The following KCNH1 variants were observed in gnomAD, a reference collection of about 807,000 sequenced individuals.
KCNH1 encodes the protein voltage-gated delayed rectifier potassium channel KCNH1.
Under a neutral mutation model 69.2 loss-of-function variants are expected in KCNH1, and 27 were observed. The observed-to-expected ratio is 0.39, with a 90% confidence interval of 0.29 to 0.54. The LOEUF is 0.54. KCNH1 is among the 20% of genes least tolerant of loss of function. The pLI, the probability that KCNH1 is intolerant of heterozygous loss-of-function variation, is 0.68. For missense variants in KCNH1, 798 were observed against 1,261.6 expected (o/e 0.63, Z 5.57); for synonymous variants, 456 against 487.7 (o/e 0.93, Z 0.86).
intron 7 of KCNH1, among the ~76,000 whole-genome samples, chr1:210,824,464 T>A (rs1307845665): frequency 1.3e-5 from 2 of 152,164 alleles, no homozygotes; most frequent in Non-Finnish European, 2.9e-5. Context: ...ATGGAAATAA[T>A]GATACTGTCC....
chr1:210,736,812 A>G (rs925743195), intron 10 of KCNH1, among the ~76,000 whole-genome samples: 5 of 152,136 alleles, frequency 3.3e-5, no homozygotes, highest in African/African-American at 1.2e-4. Flanking sequence ...CAGATCATCA[A>G]GGCTCTAATT....
At chr1:211,003,473 C>A (rs2102402548) in intron 6 of KCNH1, among the ~76,000 whole-genome samples, 1 of 152,284 alleles carries the variant, frequency 6.6e-6, no homozygotes, top group Non-Finnish European at 1.5e-5. Flanking sequence ...GATAAAGCCC[C>A]TAACTCTAAT....
At chr1:210,923,492 G>T (rs1687505298) in intron 6 of KCNH1, among the ~76,000 whole-genome samples, 1 of 152,162 alleles carries the variant, frequency 6.6e-6, no homozygotes, top group Admixed American at 6.5e-5. Context: ...CTACCCAAAA[G>T]CTATGCTATC....
At position 211,019,197 on chromosome 1, in the gene KCNH1, G is replaced by T. The variant is rs749847101; in HGVS notation, c.618C>A (p.Pro206=). 1.2e-6 allele frequency: 2 copies of T among 1,613,340 alleles called. No homozygotes were observed. The highest frequency in any genetic ancestry group is 1.7e-6 in the Non-Finnish European group (2 of 1,179,908). Residue 206 remains proline (P), a synonymous_variant, in exon 6 of 11, where the codon CCC becomes CCA. Coordinates refer to ENST00000271751, the MANE Select transcript of KCNH1 (RefSeq NM_172362.3). ...CACAATAATGTAAGATGATGTGAGG[G>T]GGAGTCTTTGGTGCCTCTTGCTTGT... ...PQYKQEAPKT[P]PHIILHYCVF...
At chr1:210,816,586 G>A (rs1300740270) in intron 7 of KCNH1, among the ~76,000 whole-genome samples, 1 of 152,190 alleles carries the variant, frequency 6.6e-6, no homozygotes, top group Non-Finnish European at 1.5e-5. Flanking sequence ...CAACCATTTA[G>A]TTACAACGCA....
intron 10 of KCNH1, among the ~76,000 whole-genome samples, chr1:210,750,877 T>C (rs974352627): frequency 2.0e-5 from 3 of 152,060 alleles, no homozygotes; most frequent in South Asian, 2.1e-4. Flanking sequence ...TCATCTAATG[T>C]TCTCATTTTA....
chr1:210,806,822 A>ATATATATATAT (rs1553346543), intron 7 of KCNH1, among the ~76,000 whole-genome samples: 52 of 42,058 alleles, frequency 1.2e-3, no homozygotes, highest in Non-Finnish European at 2.1e-3. Flanking sequence ...AAAAAAAAAA[A>ATATATATATAT]AAAAAAAAAA....
chr1:210,738,552 C>CTTTTTTTTTTGTT (rs1682937706), intron 10 of KCNH1, among the ~76,000 whole-genome samples: 1 of 49,152 alleles, frequency 2.0e-5, no homozygotes, highest in Non-Finnish European at 4.1e-5. Context: ...GGCTTTTTTG[C>CTTTTTTTTTTGTT]TTTTTTTTTT....
intron 7 of KCNH1, among the ~76,000 whole-genome samples, chr1:210,823,810 T>C (rs1684981525): frequency 6.6e-6 from 1 of 152,168 alleles, no homozygotes; most frequent in Admixed American, 6.6e-5. Context: ...CCAGGCAGTC[T>C]GAGGCCTGAG....
Position 210,870,994 on chromosome 1 carries a change from G to A in KCNH1, c.1462+48646C>T, listed in dbSNP as rs188409091. Among the ~76,000 whole-genome samples the A allele has an allele frequency of 3.6e-4, 55 of 152,232 alleles. No homozygotes were observed. The East Asian group carries it at 8.9e-3, about 25-fold the overall frequency. Reference sequence around the variant, plus strand: ...AGTTTGTTTCCATACTTATGGAATAGGGAAAATATATTCTGCATATCTCAT... The same window carrying A: ...AGTTTGTTTCCATACTTATGGAATAAGGAAAATATATTCTGCATATCTCAT... On this transcript the variant is annotated intron_variant, in intron 7 of 10. Coordinates refer to ENST00000271751, the MANE Select transcript of KCNH1 (RefSeq NM_172362.3).
chr1:211,013,587 C>T (rs1689439178), intron 6 of KCNH1, among the ~76,000 whole-genome samples: 2 of 152,320 alleles, frequency 1.3e-5, no homozygotes, highest in South Asian at 2.1e-4. Context: ...GGAGAAAGCA[C>T]AAGCCCAGGA....
At chr1:210,715,047 G>C (rs143600067) in intron 10 of KCNH1, among the ~76,000 whole-genome samples, 1 of 152,210 alleles carries the variant, frequency 6.6e-6, no homozygotes, top group Non-Finnish European at 1.5e-5. Flanking sequence ...CAGGCCTGCA[G>C]AGAAAGCTTC....
chr1:210,955,841 T>C (rs1688163665), intron 6 of KCNH1, among the ~76,000 whole-genome samples: 1 of 152,210 alleles, frequency 6.6e-6, no homozygotes, highest in Non-Finnish European at 1.5e-5. Flanking sequence ...GATCATGTCA[T>C]CTGTAAACAG....
intron 6 of KCNH1, among the ~76,000 whole-genome samples, chr1:211,011,795 G>A (rs35711968): frequency 0.41 from 63,015 of 152,036 alleles, 13,341 homozygotes; most frequent in Non-Finnish European, 0.44. Flanking sequence ...CTACAGTCCC[G>A]TCTTCCATGT....
chr1:210,846,961 C>CA (rs1267413037), intron 7 of KCNH1, among the ~76,000 whole-genome samples: 3 of 152,094 alleles, frequency 2.0e-5, no homozygotes, highest in African/African-American at 4.8e-5. Flanking sequence ...TTTATGCAGA[C>CA]AAAAAACACG....
At chr1:210,993,883 T>C (rs114483055) in intron 6 of KCNH1, among the ~76,000 whole-genome samples, 39 of 152,202 alleles carry the variant, frequency 2.6e-4, no homozygotes, top group African/African-American at 8.4e-4. Flanking sequence ...CCAACCTCTA[T>C]GTGTCTCTGA....
In KCNH1 at chr1:210,683,859, C is replaced by G. The variant is rs761754626; in HGVS notation, c.2392G>C (p.Val798Leu). The change falls in exon 11 of 11, where the codon GTA becomes CTA. Residue 798 changes from valine (V) to leucine (L), a missense_variant. By Grantham distance (32) the Val-to-Leu change is conservative (BLOSUM62 1). Transcript: ENST00000271751. This position sits in a 1 kb window ranked among gnomAD's most constrained non-coding sequence, Gnocchi z 5.7. The part of the protein sequence containing the change: ...VTVRESPATP[V>L]SFQAASTSGV... ...GAGGTGGAGGCTGCCTGGAAGGATA[C>G]GGGCGTGGCAGGACTCTCACGCACG... 3 of 1,614,102 alleles carry G rather than the reference C, an allele frequency of 1.9e-6. No individual in the cohort carries two copies. The highest frequency in any genetic ancestry group is 1.7e-5 in the Admixed American group (1 of 60,034).
chr1:211,115,730 T>TATACAC (rs1159442976), intron 1 of KCNH1, among the ~76,000 whole-genome samples: 15 of 87,022 alleles, frequency 1.7e-4, no homozygotes, highest in Admixed American at 1.3e-3. Context: ...TATATATATA[T>TATACAC]ACACACACAC....
Position 211,018,965 on chromosome 1 carries a change from G to A in KCNH1, c.850C>T (p.Pro284Ser). 2 of 1,613,938 alleles carry A rather than the reference G, an allele frequency of 1.2e-6. No homozygotes were observed. The highest frequency in any genetic ancestry group is 1.7e-6 in the Non-Finnish European group (2 of 1,179,974). Reference protein sequence around the residue: ...VGPAGEVISDPKLIRMNYLKT... With the variant: ...VGPAGEVISDSKLIRMNYLKT... ...AGGTAGTTCATGCGGATAAGTTTGG[G>A]GTCAGAAATCACCTCCCCTGCTGGT... The change falls in exon 6 of 11, where the codon CCC (proline) becomes TCC (serine). Residue 284 changes from proline (P) to serine (S), a missense_variant. Coordinates refer to ENST00000271751, the MANE Select transcript of KCNH1 (RefSeq NM_172362.3).
Sources: allele counts gnomAD v4.1 joint callset (sites outside exome capture counted in the v4.1 genomes callset), GRCh38; gene constraint gnomAD v4.1.1; non-coding constraint Gnocchi (gnomAD v3.1); transcripts MANE v1.5; gene names NCBI Gene and HGNC (gene_info 2026-07-23, HGNC 2026-07-21).